Variants in NLK observed in about 807,000 individuals in gnomAD.
NLK encodes the protein nemo like kinase, also known as serine/threonine-protein kinase NLK.
In NLK, 11 loss-of-function variants were observed where a neutral mutation model predicts 59.0. The ratio of observed to expected loss-of-function variants is 0.19; its 90% CI spans 0.12 to 0.31. The LOEUF (loss-of-function observed/expected upper bound fraction) is 0.31. Among genes scored for constraint, NLK ranks in the 10% least tolerant of loss-of-function variants. The pLI is 1.00. For synonymous variants in NLK, 235 were observed against 235.9 expected (o/e 1.00, Z 0.03); for missense variants, 410 against 661.1 (o/e 0.62, Z 4.16).
At chr17:28,116,870 C>A (rs1905798020) in intron 1 of NLK, among the ~76,000 whole-genome samples, 1 of 152,148 alleles carries the variant, frequency 6.6e-6, no homozygotes, top group South Asian at 2.1e-4. Flanking sequence ...GTTTTACTTG[C>A]GCTTTGTGAC....
intron 1 of NLK, among the ~76,000 whole-genome samples, chr17:28,113,866 T>A (rs1905635408): frequency 6.6e-6 from 1 of 152,162 alleles, no homozygotes; most frequent in Admixed American, 6.5e-5. Context: ...ATAATCACTA[T>A]CCTAACTTTT....
At chr17:28,169,071 A>G (rs1908358716) in intron 6 of NLK, among the ~76,000 whole-genome samples, 2 of 152,092 alleles carry the variant, frequency 1.3e-5, no homozygotes, top group South Asian at 4.2e-4. Flanking sequence ...TTTTTAGTAG[A>G]GACAGGGTTT....
intron 2 of NLK, among the ~76,000 whole-genome samples, chr17:28,124,514 G>A (rs1328480942): frequency 6.6e-6 from 1 of 151,686 alleles, no homozygotes; most frequent in East Asian, 1.9e-4. Flanking sequence ...TGCAGAGCAG[G>A]ACTCCATCTC....
rs111373983 is a variant in NLK, at chr17:28,101,954, C to A, written c.459-20649C>A. Among the ~76,000 whole-genome samples the A allele has an allele frequency of 6.5e-3, 996 of 152,196 alleles. 17 individuals carry two copies. Among genetic ancestry groups the A allele is most frequent in the African/African-American group, 0.022 (930 of 41,530 alleles). ...GATTCTAATATAACCATTTTAGCTG[C>A]CTTATGCTTACATGCTATATTCTTT... On this transcript the variant is annotated intron_variant, in intron 1 of 10. Transcript: ENST00000407008.
intron 3 of NLK, among the ~76,000 whole-genome samples, chr17:28,137,709 T>C (rs549082711): frequency 6.6e-6 from 1 of 152,186 alleles, no homozygotes; most frequent in East Asian, 1.9e-4. Flanking sequence ...ACCAAAAATT[T>C]AGTGTGGGTT....
chr17:28,047,985 T>C lies in NLK; in HGVS notation c.458+4654T>C, dbSNP rs1041926531. 7 of 398,290 alleles carry C rather than the reference T, an allele frequency of 1.8e-5. 1 individual carries two copies. The highest frequency in any genetic ancestry group is 6.2e-5 in the African/African-American group (3 of 48,622). 24.7% of individuals were successfully genotyped at this position (398,290 alleles called of 1,614,324 possible). Reference sequence around the variant, plus strand: ...AGATTAACAGCCACAGCTGGATTCTTTGGGGGCTCTGCTTTGTGAAAAGAG... The same window carrying C: ...AGATTAACAGCCACAGCTGGATTCTCTGGGGGCTCTGCTTTGTGAAAAGAG... On this transcript the variant is annotated intron_variant, in intron 1 of 10. Transcript: ENST00000407008.
intron 1 of NLK, among the ~76,000 whole-genome samples, chr17:28,051,958 C>CAG (rs1157663682): frequency 3.9e-5 from 6 of 152,016 alleles, no homozygotes; most frequent in Non-Finnish European, 5.9e-5. Flanking sequence ...CACCCTGTTC[C>CAG]AGAGTGGTGA....
intron 7 of NLK, among the ~76,000 whole-genome samples, chr17:28,180,656 G>T (rs1908868956): frequency 6.6e-6 from 1 of 152,172 alleles, no homozygotes; most frequent in African/African-American, 2.4e-5. Flanking sequence ...AAAATAGTTT[G>T]AGTAGTTTCA....
intron 3 of NLK, among the ~76,000 whole-genome samples, chr17:28,136,871 C>G (rs541348534): frequency 2.1e-4 from 31 of 148,526 alleles, no homozygotes; most frequent in African/African-American, 7.3e-4. Flanking sequence ...TCCCACAGTA[C>G]TGGGATTACA....
chr17:28,166,427 C>G (rs2142052293), intron 5 of NLK, among the ~76,000 whole-genome samples: 1 of 152,116 alleles, frequency 6.6e-6, no homozygotes, highest in African/African-American at 2.4e-5. Flanking sequence ...AGGGGATTGC[C>G]AAAAATTGGG....
At chr17:28,134,078 GA>G (rs915837604) in intron 3 of NLK, among the ~76,000 whole-genome samples, 7 of 148,828 alleles carry the variant, frequency 4.7e-5, no homozygotes, top group Non-Finnish European at 7.4e-5. Flanking sequence ...AAAAATATTT[GA>G]AAAAAAAATA....
chr17:28,102,177 A>G (rs1051427927), intron 1 of NLK, among the ~76,000 whole-genome samples: 3 of 152,018 alleles, frequency 2.0e-5, no homozygotes, highest in African/African-American at 4.8e-5. Flanking sequence ...GTTGTTTTCT[A>G]TTGTTGCCTG....
chr17:28,124,734 T>C (rs550970889), intron 2 of NLK, among the ~76,000 whole-genome samples: 1 of 152,180 alleles, frequency 6.6e-6, no homozygotes, highest in East Asian at 1.9e-4. Flanking sequence ...CGAAAAAATA[T>C]TTCAAGGGTG....
At chr17:28,184,091 G>C (rs1326454114) in intron 7 of NLK, among the ~76,000 whole-genome samples, 1 of 152,212 alleles carries the variant, frequency 6.6e-6, no homozygotes, top group East Asian at 1.9e-4. Context: ...ACAGAAGTCA[G>C]ATATGGCCAT....
chr17:28,173,414 C>T (rs867568226), intron 7 of NLK, among the ~76,000 whole-genome samples: 2 of 152,140 alleles, frequency 1.3e-5, no homozygotes, highest in African/African-American at 4.8e-5. Flanking sequence ...CACTCCTCCT[C>T]TCAAACTGTC....
chr17:28,105,947 T>C (rs1905065772), intron 1 of NLK, among the ~76,000 whole-genome samples: 1 of 152,238 alleles, frequency 6.6e-6, no homozygotes, highest in Non-Finnish European at 1.5e-5. Context: ...TGTTTGATGT[T>C]CCTATTGTGG....
chr17:28,154,776 G>A (rs140657327), intron 3 of NLK, among the ~76,000 whole-genome samples: 2 of 152,172 alleles, frequency 1.3e-5, no homozygotes, highest in Admixed American at 6.5e-5. Flanking sequence ...GCTCACACCT[G>A]TAATCCCATC....
At chr17:28,162,387 C>T (rs1320079099) in intron 4 of NLK, among the ~76,000 whole-genome samples, 1 of 152,006 alleles carries the variant, frequency 6.6e-6, no homozygotes, top group Non-Finnish European at 1.5e-5. Flanking sequence ...AATCCCAGCG[C>T]TTTGGGATGC....
chr17:28,101,295 C>T (rs1904893251), intron 1 of NLK, among the ~76,000 whole-genome samples: 1 of 152,056 alleles, frequency 6.6e-6, no homozygotes. Flanking sequence ...TCAGCTGTTG[C>T]TTTCTTCAAA....
Sources: allele counts gnomAD v4.1 joint callset (sites outside exome capture counted in the v4.1 genomes callset), GRCh38; gene constraint gnomAD v4.1.1; transcripts MANE v1.5; gene names NCBI Gene and HGNC (gene_info 2026-07-23, HGNC 2026-07-21).